The following SLC7A8 variants were observed in gnomAD, a reference collection of about 807,000 sequenced individuals.
SLC7A8 encodes solute carrier family 7 member 8.
SLC7A8 carries 30 observed loss-of-function variants against 51.2 expected under a neutral mutation model. The ratio of observed to expected loss-of-function variants is 0.59; its 90% CI spans 0.44 to 0.80. SLC7A8 has a LOEUF of 0.80. Among genes scored for constraint, SLC7A8 ranks in the 30% least tolerant of loss-of-function variants. SLC7A8 has a pLI of 0.00. For missense variants in SLC7A8, 612 were observed against 674.4 expected, an observed-to-expected ratio of 0.91 and a Z score of 1.03; for synonymous variants, 257 against 275.8, an observed-to-expected ratio of 0.93 and a Z score of 0.67.
At chr14:23,132,429 A>G (rs1002071415) in intron 7 of SLC7A8, among the ~76,000 whole-genome samples, 1 of 152,080 alleles carries the variant, frequency 6.6e-6, no homozygotes, top group African/African-American at 2.4e-5. Flanking sequence ...AAATTCATCA[A>G]ATGGAAGCCA....
At chr14:23,178,906 A>G (rs1015033622) in intron 1 of SLC7A8, among the ~76,000 whole-genome samples, 1 of 151,198 alleles carries the variant, frequency 6.6e-6, no homozygotes, top group Non-Finnish European at 1.5e-5. Flanking sequence ...AAAAAAAAAA[A>G]AAATGAAGAT....
chr14:23,136,461 G>A (rs2140308055), intron 7 of SLC7A8, among the ~76,000 whole-genome samples: 1 of 152,274 alleles, frequency 6.6e-6, no homozygotes, highest in South Asian at 2.1e-4. Flanking sequence ...AGCCGATAAC[G>A]GAGGAGACGA....
Position 23,127,057 on chromosome 14 carries a change from C to A in SLC7A8, c.*120G>T. 1 of 1,283,222 alleles carries A rather than the reference C, an allele frequency of 7.8e-7. No individual in the cohort carries two copies. The highest frequency in any genetic ancestry group is 1.1e-6 in the Non-Finnish European group (1 of 910,672). The allele number at this position is 1,283,222 out of a possible 1,614,324, so 79.5% of individuals were successfully genotyped here. On this transcript the variant is annotated 3_prime_UTR_variant, in exon 11 of 11. Transcript: ENST00000316902. ...TCTCACCACCCACACCAAAGTCCTACCACTGCCTGACAAAAGCAGAGAGAG... is the reference window on the plus strand; with the variant it reads ...TCTCACCACCCACACCAAAGTCCTAACACTGCCTGACAAAAGCAGAGAGAG...
chr14:23,168,075 C>G (rs987065848), intron 1 of SLC7A8, among the ~76,000 whole-genome samples: 2 of 152,098 alleles, frequency 1.3e-5, no homozygotes, highest in African/African-American at 4.8e-5. Context: ...GGGCTGCTTA[C>G]AGAAATGAAA....
At chr14:23,129,279 TGGG>T (rs2048609256) in intron 9 of SLC7A8, 1 of 172,112 alleles carries the variant, frequency 5.8e-6, no homozygotes, top group Non-Finnish European at 1.2e-5. Context: ...GAAGTCATTC[TGGG>T]ATGGAGACAT....
intron 3 of SLC7A8, among the ~76,000 whole-genome samples, chr14:23,144,307 T>G (rs1397247613): frequency 6.6e-6 from 1 of 151,990 alleles, no homozygotes; most frequent in Non-Finnish European, 1.5e-5. Flanking sequence ...GCTCTGTATC[T>G]TTCCCAGCAT....
chr14:23,166,039 A>G (rs2048947915), intron 2 of SLC7A8, among the ~76,000 whole-genome samples: 2 of 152,114 alleles, frequency 1.3e-5, no homozygotes, highest in African/African-American at 4.8e-5. Flanking sequence ...CTGGGAATCT[A>G]TGGTCAGTGT....
At chr14:23,170,651 G>A (rs140968721) in intron 1 of SLC7A8, among the ~76,000 whole-genome samples, 355 of 152,160 alleles carry the variant, frequency 2.3e-3, no homozygotes, top group African/African-American at 7.9e-3. Flanking sequence ...TAAAGATGGG[G>A]TTTCACCATG....
intron 1 of SLC7A8, 74 bp from the exon 2 acceptor site, chr14:23,166,614 T>C: frequency 6.7e-7 from 1 of 1,496,930 alleles, no homozygotes; most frequent in Non-Finnish European, 9.3e-7. Context: ...ATTTGGAGGG[T>C]GGTCTCATTT....
chr14:23,179,546 A>G (rs1180896683), intron 1 of SLC7A8, among the ~76,000 whole-genome samples: 1 of 151,530 alleles, frequency 6.6e-6, no homozygotes, highest in Non-Finnish European at 1.5e-5. Flanking sequence ...ACGGTGGCTC[A>G]TGCCTGTAAT....
Position 23,139,566 on chromosome 14 carries a change from T to C in SLC7A8, c.789-19A>G, listed in dbSNP as rs563225780. The C allele has an allele frequency of 5.0e-6, 8 of 1,608,328 alleles. No homozygotes were observed. The Admixed American group carries it at 8.4e-5, about 17-fold the overall frequency. On this transcript the variant is annotated intron_variant, in intron 5 of 10. Transcript: ENST00000316902. ...AAGGTTCCTGTAGAGGGAGAGGAGGTGAGGGGAAGGGCTGGCACCCGGGAC... is the reference window on the plus strand; with the variant it reads ...AAGGTTCCTGTAGAGGGAGAGGAGGCGAGGGGAAGGGCTGGCACCCGGGAC...
intron 1 of SLC7A8, among the ~76,000 whole-genome samples, chr14:23,177,318 C>G (rs2140341422): frequency 6.6e-6 from 1 of 151,980 alleles, no homozygotes; most frequent in East Asian, 1.9e-4. Context: ...TTCAGCCAAT[C>G]AAAGGCAGCC....
chr14:23,147,577 T>C (rs1203069991), intron 3 of SLC7A8, among the ~76,000 whole-genome samples: 1 of 152,260 alleles, frequency 6.6e-6, no homozygotes, highest in Non-Finnish European at 1.5e-5. Context: ...TCTTGTCCGT[T>C]GTAACCTAGT....
chr14:23,147,342 A>C (rs1413939958), intron 3 of SLC7A8, among the ~76,000 whole-genome samples: 2 of 152,192 alleles, frequency 1.3e-5, no homozygotes, highest in African/African-American at 4.8e-5. Flanking sequence ...CCCTGCCTTT[A>C]GGAAGTTGGC....
Position 23,134,788 on chromosome 14 carries a change from C to A in SLC7A8, c.1016+3133G>T, listed in dbSNP as rs577209357. ...ATTTGCATTCAGTGAATCTTACAAC[C>A]AAGTACAGTTGTAAGAAATAATAAG... On this transcript the variant is annotated intron_variant, in intron 7 of 10. Coordinates refer to ENST00000316902, the MANE Select transcript of SLC7A8 (RefSeq NM_012244.4). 3.3e-3 allele frequency among the ~76,000 whole-genome samples: 501 copies of A among 152,288 alleles called. 1 individual carries two copies. The highest frequency in any genetic ancestry group is 6.0e-3 in the Non-Finnish European group (406 of 68,034).
intron 5 of SLC7A8, 73 bp from the exon 6 acceptor site, chr14:23,139,620 G>A (rs911246033): frequency 6.5e-7 from 1 of 1,530,574 alleles, no homozygotes; most frequent in Non-Finnish European, 8.8e-7. Context: ...TCCAGGGGGT[G>A]TCTTCTGTCT....
At position 23,170,301 on chromosome 14, in the gene SLC7A8, AACAG is replaced by A. The variant is rs139341596; in HGVS notation, c.152-3765_152-3762del. Among the ~76,000 whole-genome samples the A allele has an allele frequency of 5.9e-5, 9 of 152,332 alleles. No homozygotes were observed. The East Asian group carries it at 1.7e-3, about 29-fold the overall frequency. On this transcript the variant is annotated intron_variant, in intron 1 of 10. Transcript: ENST00000316902. ...GCTGCCTCCCCTCTGGAAACTGCAC[AACAG>A]ACACTTTTCCAGTTGGGCTTTTCAA... is the stretch of plus-strand genomic sequence containing the variant.
chr14:23,128,267 TTC>T lies in SLC7A8; in HGVS notation c.1264-73_1264-72del, dbSNP rs1384461422. Reference sequence around the variant, plus strand: ...GCCCCCAGGACTAGGGACTGGGGCATTCTCTCTCTTCTTCACCCACAGAGACA... The same window carrying T: ...GCCCCCAGGACTAGGGACTGGGGCATTCTCTCTTCTTCACCCACAGAGACA... On this transcript the variant is annotated intron_variant, in intron 9 of 10. Transcript: ENST00000316902. The surrounding 1 kb of genome is among the most constrained non-coding windows in gnomAD (Gnocchi z 4.3). 18 of 1,585,830 alleles carry T rather than the reference TTC, an allele frequency of 1.1e-5. No individual in the cohort carries two copies. The highest frequency in any genetic ancestry group is 1.4e-5 in the Non-Finnish European group (16 of 1,166,474).
intron 1 of SLC7A8, among the ~76,000 whole-genome samples, chr14:23,166,789 C>A (rs1029329057): frequency 6.6e-6 from 1 of 152,192 alleles, no homozygotes; most frequent in Non-Finnish European, 1.5e-5. Context: ...CTCAGGATGA[C>A]ACTATGGAAT....
Sources: gnomAD v4.1 joint callset for allele counts (sites outside exome capture counted in the v4.1 genomes callset) on GRCh38, gnomAD v4.1.1 for gene constraint, Gnocchi (gnomAD v3.1) non-coding constraint, MANE v1.5 for transcripts, NCBI Gene and HGNC (gene_info 2026-07-23, HGNC 2026-07-21) for gene names.